Variants in TRIB2 observed in about 807,000 individuals in gnomAD.
The protein encoded by TRIB2 is tribbles pseudokinase 2.
In TRIB2, 2 loss-of-function variants were observed where a neutral mutation model predicts 26.8. The ratio of observed to expected loss-of-function variants is 0.07; its 90% CI spans 0.03 to 0.24. The LOEUF (loss-of-function observed/expected upper bound fraction) is 0.24. TRIB2 is among the 10% of genes least tolerant of loss of function. The probability of loss-of-function intolerance (pLI) is 1.00; values close to 1 mark genes in which losing one functional copy is unlikely to be tolerated. For missense variants in TRIB2, 306 were observed against 449.0 expected, an observed-to-expected ratio of 0.68 and a Z score of 2.88; for synonymous variants, 189 against 187.3, an observed-to-expected ratio of 1.01 and a Z score of -0.08.
intron 2 of TRIB2, among the ~76,000 whole-genome samples, chr2:12,726,562 C>G (rs376581202): frequency 6.6e-6 from 1 of 152,210 alleles, no homozygotes; most frequent in African/African-American, 2.4e-5. Context: ...TTCCTTCTCC[C>G]TCAACAACAT....
intron 2 of TRIB2, chr2:12,724,494 C>T (rs1661294506): frequency 1.4e-6 from 2 of 1,424,940 alleles, no homozygotes; most frequent in Non-Finnish European, 9.4e-7. Flanking sequence ...GAATGAGGCC[C>T]CACATAATGT....
chr2:12,729,390 CAGAAAG>C (rs1240958919), intron 2 of TRIB2, among the ~76,000 whole-genome samples: 5 of 152,096 alleles, frequency 3.3e-5, no homozygotes, highest in Non-Finnish European at 7.4e-5. Flanking sequence ...ATTCTAATGA[CAGAAAG>C]AGAGAGGCAG....
Position 12,741,171 on chromosome 2 carries a change from C to T in TRIB2, c.*377C>T, listed in dbSNP as rs1326986492. On this transcript the variant is annotated 3_prime_UTR_variant, in exon 3 of 3. Coordinates refer to ENST00000155926, the MANE Select transcript of TRIB2 (RefSeq NM_021643.4). Reference sequence around the variant, plus strand: ...ACACATCCTGGCATCGCACTGTTAGCATTTAACTTCTTGTTAGGATTCAGG... The same window carrying T: ...ACACATCCTGGCATCGCACTGTTAGTATTTAACTTCTTGTTAGGATTCAGG... 1 of 176,036 alleles carries T rather than the reference C, an allele frequency of 5.7e-6. No individual in the cohort carries two copies. Among genetic ancestry groups the T allele is most frequent in the Non-Finnish European group, 1.2e-5 (1 of 82,588 alleles). The allele number at this position is 176,036 out of a possible 1,614,324, so 10.9% of individuals were successfully genotyped here.
At position 12,718,094 on chromosome 2, in the gene TRIB2, G is replaced by C; in HGVS notation, c.-214G>C. On this transcript the variant is annotated 5_prime_UTR_variant, in exon 1 of 3. Transcript: ENST00000155926. The surrounding 1 kb of genome is among the most constrained non-coding windows in gnomAD (Gnocchi z 4.0). ...AAAAGACCCGAGTTGCCTGCCGACCGAGGACCCCCGGGAGCCGGGCTCGGA... is the reference window on the plus strand; with the variant it reads ...AAAAGACCCGAGTTGCCTGCCGACCCAGGACCCCCGGGAGCCGGGCTCGGA... 2 of 631,646 alleles carry C rather than the reference G, an allele frequency of 3.2e-6. No individual in the cohort carries two copies. The highest frequency in any genetic ancestry group is 5.3e-6 in the Non-Finnish European group (2 of 376,242). The allele number at this position is 631,646 out of a possible 1,614,324, so 39.1% of individuals were successfully genotyped here. A position where few individuals can be genotyped will look rare whatever the true frequency, so the allele number is the denominator to read the frequency against.
intron 2 of TRIB2, among the ~76,000 whole-genome samples, chr2:12,736,165 TA>T (rs1661562297): frequency 6.6e-6 from 1 of 151,840 alleles, no homozygotes; most frequent in Non-Finnish European, 1.5e-5. Context: ...TGGAAGGGGA[TA>T]GGAATGGAAA....
At chr2:12,722,425 A>C (rs980586912) in intron 1 of TRIB2, among the ~76,000 whole-genome samples, 1 of 152,232 alleles carries the variant, frequency 6.6e-6, no homozygotes, top group Non-Finnish European at 1.5e-5. Context: ...TCTTGAAATG[A>C]ATGAAAGCGC....
At chr2:12,723,141 C>G in intron 1 of TRIB2, 119 bp from the exon 2 acceptor site, 1 of 1,182,362 alleles carries the variant, frequency 8.5e-7, no homozygotes, top group Non-Finnish European at 1.2e-6. Context: ...GGTCTGGGTC[C>G]AAGTTCAGCA....
At chr2:12,719,195 C>T (rs1419655740) in intron 1 of TRIB2, among the ~76,000 whole-genome samples, 1 of 152,054 alleles carries the variant, frequency 6.6e-6, no homozygotes, top group Non-Finnish European at 1.5e-5. Flanking sequence ...ATAGTGAATG[C>T]TTTGGGTCTT....
chr2:12,728,894 C>T (rs1209650218), intron 2 of TRIB2, among the ~76,000 whole-genome samples: 1 of 152,144 alleles, frequency 6.6e-6, no homozygotes, highest in Admixed American at 6.5e-5. Context: ...TCAAGTTGCA[C>T]CCGCCTCCAT....
Position 12,718,142 on chromosome 2 carries a change from CCCATTTGGGGGCTTCTAACT to C in TRIB2, c.-164_-145del. The stretch of plus-strand genomic sequence containing the variant: ...GGAGCAGACGAGGTATCCGGCGGCG[CCCATTTGGGGGCTTCTAACT>C]CTTTCTCCACGCAGCCCCTCTTCTG... On this transcript the variant is annotated 5_prime_UTR_variant, in exon 1 of 3. Coordinates refer to ENST00000155926, the MANE Select transcript of TRIB2 (RefSeq NM_021643.4). This position sits in a 1 kb window ranked among gnomAD's most constrained non-coding sequence, Gnocchi z 4.0. 7 of 983,002 alleles carry C rather than the reference CCCATTTGGGGGCTTCTAACT, an allele frequency of 7.1e-6. No individual in the cohort carries two copies. The highest frequency in any genetic ancestry group is 1.0e-5 in the Non-Finnish European group (7 of 691,320). The allele number at this position is 983,002 out of a possible 1,614,324, so 60.9% of individuals were successfully genotyped here. A position where few individuals can be genotyped will look rare whatever the true frequency, so the allele number is the denominator to read the frequency against.
chr2:12,718,167 C>G lies in TRIB2; in HGVS notation c.-141C>G. ...CCCATTTGGGGGCTTCTAACTCTTT[C>G]TCCACGCAGCCCCTCTTCTGTCCCC... is the stretch of plus-strand genomic sequence containing the variant. On this transcript the variant is annotated 5_prime_UTR_variant, in exon 1 of 3. Coordinates refer to ENST00000155926, the MANE Select transcript of TRIB2 (RefSeq NM_021643.4). The surrounding 1 kb of genome is among the most constrained non-coding windows in gnomAD (Gnocchi z 4.0). The G allele has an allele frequency of 2.5e-6, 3 of 1,183,442 alleles. No individual in the cohort carries two copies. The highest frequency in any genetic ancestry group is 2.3e-6 in the Non-Finnish European group (2 of 869,136). 73.3% of individuals were successfully genotyped at this position (1,183,442 alleles called of 1,614,324 possible).
In TRIB2 at chr2:12,723,369, A is replaced by G. The variant is rs762743420; in HGVS notation, c.380A>G (p.Tyr127Cys). 39 of 1,614,096 alleles carry G rather than the reference A, an allele frequency of 2.4e-5. No individual in the cohort carries two copies. The highest frequency in any genetic ancestry group is 3.0e-5 in the Non-Finnish European group (35 of 1,180,052). Reference sequence around the variant, plus strand: ...ATTATCCTGGGTGAGACCAAAGCCTATGTGTTCTTTGAGCGAAGCTATGGG... The same window carrying G: ...ATTATCCTGGGTGAGACCAAAGCCTGTGTGTTCTTTGAGCGAAGCTATGGG... ...TEIILGETKA[Y>C]VFFERSYGDM... is the part of the protein sequence containing the mutation. The change falls in exon 2 of 3, where the codon TAT (tyrosine) becomes TGT (cysteine). Residue 127 changes from tyrosine to cysteine, a missense_variant. Physicochemically the swap from Tyr to Cys is radical, Grantham distance 194 (BLOSUM62 -2). This residue lies in a region of TRIB2 where 118 missense variants were observed against 188.8 expected (regional missense o/e 0.63). Transcript: ENST00000155926.
rs770292342 is a variant in TRIB2, at chr2:12,740,443, T to C, written c.681T>C (p.Ser227=). The C allele has an allele frequency of 1.1e-5, 17 of 1,614,114 alleles. No individual in the cohort carries two copies. Among genetic ancestry groups the C allele is most frequent in the African/African-American group, 2.7e-5 (2 of 75,020 alleles). The change falls in exon 3 of 3, where the codon AGT becomes AGC. Residue 227 remains serine (S), a synonymous_variant. Transcript: ENST00000155926. This position sits in a 1 kb window ranked among gnomAD's most constrained non-coding sequence, Gnocchi z 5.8. ...AYVSPEILNT[S]GSYSGKAADV... is the part of the protein sequence containing the mutation. ...TAAGCCCAGAGATCTTGAACACCAG[T>C]GGCAGCTACTCGGGCAAAGCAGCCG... is the stretch of plus-strand genomic sequence containing the variant.
rs113305500 is a variant in TRIB2, at chr2:12,718,618, C to T, written c.270+41C>T. On this transcript the variant is annotated intron_variant, in intron 1 of 2. Coordinates refer to ENST00000155926, the MANE Select transcript of TRIB2 (RefSeq NM_021643.4). The surrounding 1 kb of genome is among the most constrained non-coding windows in gnomAD (Gnocchi z 4.0). ...GTTGCTTTTTGTCTTTGGAAGGGGCCCGAGGGAGCGGGAGGGCGCCAGGCC... is the reference window on the plus strand; with the variant it reads ...GTTGCTTTTTGTCTTTGGAAGGGGCTCGAGGGAGCGGGAGGGCGCCAGGCC... 5.0e-6 allele frequency: 8 copies of T among 1,595,282 alleles called. No individual in the cohort carries two copies. Among genetic ancestry groups the T allele is most frequent in the African/African-American group, 4.0e-5 (3 of 74,470 alleles).
chr2:12,718,391 G>A lies in TRIB2; in HGVS notation c.84G>A (p.Ser28=), dbSNP rs751126004. The A allele has an allele frequency of 4.3e-5, 69 of 1,614,090 alleles. No individual in the cohort carries two copies. In the South Asian group the frequency reaches 7.2e-4, roughly 17 times the overall value. Residue 28 remains serine (S), a synonymous_variant, in exon 1 of 3, where the codon TCG becomes TCA. Coordinates refer to ENST00000155926, the MANE Select transcript of TRIB2 (RefSeq NM_021643.4). The surrounding 1 kb of genome is among the most constrained non-coding windows in gnomAD (Gnocchi z 4.0). ...AAACCCAGGATTTCGAAGAGTTGTCGTCTATAAGGTCCGCGGAGCCCAGCC... is the reference window on the plus strand; with the variant it reads ...AAACCCAGGATTTCGAAGAGTTGTCATCTATAAGGTCCGCGGAGCCCAGCC... ...RNKTQDFEEL[S]SIRSAEPSQS...
At chr2:12,727,561 C>T (rs999441572) in intron 2 of TRIB2, among the ~76,000 whole-genome samples, 16 of 152,296 alleles carry the variant, frequency 1.1e-4, no homozygotes, top group African/African-American at 2.9e-4. Context: ...CTGGAGTAGG[C>T]GGCCACAGGC....
Position 12,718,668 on chromosome 2 carries a change from G to A in TRIB2, c.270+91G>A, listed in dbSNP as rs1231416118. On this transcript the variant is annotated intron_variant, in intron 1 of 2. Coordinates refer to ENST00000155926, the MANE Select transcript of TRIB2 (RefSeq NM_021643.4). The surrounding 1 kb of genome is among the most constrained non-coding windows in gnomAD (Gnocchi z 4.0). ...CCTCGAGTCTGGGAGAGGGAGATTCGCGGGATAATTACCGTGGCCTTATTA... is the reference window on the plus strand; with the variant it reads ...CCTCGAGTCTGGGAGAGGGAGATTCACGGGATAATTACCGTGGCCTTATTA... 1.3e-6 allele frequency: 2 copies of A among 1,486,406 alleles called. No individual in the cohort carries two copies. Among genetic ancestry groups the A allele is most frequent in the African/African-American group, 1.4e-5 (1 of 70,986 alleles). The allele number at this position is 1,486,406 out of a possible 1,614,324, so 92.1% of individuals were successfully genotyped here. A position where few individuals can be genotyped will look rare whatever the true frequency, so the allele number is the denominator to read the frequency against.
chr2:12,718,060 G>T lies in TRIB2; in HGVS notation c.-248G>T. 1 of 563,094 alleles carries T rather than the reference G, an allele frequency of 1.8e-6. No homozygotes were observed. The highest frequency in any genetic ancestry group is 3.1e-6 in the Non-Finnish European group (1 of 318,326). The allele number at this position is 563,094 out of a possible 1,614,324, so 34.9% of individuals were successfully genotyped here. On this transcript the variant is annotated 5_prime_UTR_variant, in exon 1 of 3. Coordinates refer to ENST00000155926, the MANE Select transcript of TRIB2 (RefSeq NM_021643.4). The surrounding 1 kb of genome is among the most constrained non-coding windows in gnomAD (Gnocchi z 4.0). ...GATTCTGCACATCGCCGACTGCTTT[G>T]GGGTAACAAAAAGACCCGAGTTGCC...
Position 12,718,217 on chromosome 2 carries a change from C to A in TRIB2, c.-91C>A. The A allele has an allele frequency of 6.7e-7, 1 of 1,499,092 alleles. No homozygotes were observed. Among genetic ancestry groups the A allele is most frequent in the South Asian group, 1.3e-5 (1 of 75,398 alleles). 92.9% of individuals were successfully genotyped at this position (1,499,092 alleles called of 1,614,324 possible). A position where few individuals can be genotyped will look rare whatever the true frequency, so the allele number is the denominator to read the frequency against. ...CTCCCCTCTCGCTCCCTTTTAAAATCAGTGGCACCGAGGCGCCTGCAGCCG... is the reference window on the plus strand; with the variant it reads ...CTCCCCTCTCGCTCCCTTTTAAAATAAGTGGCACCGAGGCGCCTGCAGCCG... On this transcript the variant is annotated 5_prime_UTR_variant, in exon 1 of 3. Coordinates refer to ENST00000155926, the MANE Select transcript of TRIB2 (RefSeq NM_021643.4). This position sits in a 1 kb window ranked among gnomAD's most constrained non-coding sequence, Gnocchi z 4.0.
Sources: allele counts gnomAD v4.1 joint callset (sites outside exome capture counted in the v4.1 genomes callset), GRCh38; gene constraint gnomAD v4.1.1; regional missense constraint gnomAD v4.1.1; non-coding constraint Gnocchi (gnomAD v3.1); transcripts MANE v1.5; gene names NCBI Gene and HGNC (gene_info 2026-07-23, HGNC 2026-07-21).